The following CTCFL variants were observed in gnomAD, a reference collection of about 807,000 sequenced individuals.
The protein encoded by CTCFL is transcriptional repressor CTCFL.
CTCFL carries 36 observed loss-of-function variants against 67.4 expected under a neutral mutation model. That is an observed-to-expected ratio of 0.53 (90% CI 0.41 to 0.71). CTCFL has a LOEUF of 0.71. CTCFL is among the 30% of genes least tolerant of loss of function. CTCFL has a pLI of 0.00. For missense variants in CTCFL, 786 were observed against 835.2 expected, an observed-to-expected ratio of 0.94 and a Z score of 0.73; for synonymous variants, 324 against 302.3, an observed-to-expected ratio of 1.07 and a Z score of -0.75.
rs955564611 is a variant in CTCFL at position 57,503,193 on chromosome 20, C to T, written c.1840+243G>A. 9.9e-5 allele frequency among the ~76,000 whole-genome samples: 15 copies of T among 152,262 alleles called. 1 individual carries two copies. The highest frequency in any genetic ancestry group is 1.5e-4 in the Non-Finnish European group (10 of 68,042). The stretch of plus-strand genomic sequence containing the variant: ...TGTAGCTGCAGGCGACAGTCCAATG[C>T]GATGGAAGAGGGCTCCTCGGGGTGG... On this transcript the variant is annotated intron_variant, in intron 10 of 10. Coordinates refer to ENST00000243914, the MANE Select transcript of CTCFL (RefSeq NM_001386993.1).
At chr20:57,499,436 C>T (rs73297578) in intron 10 of CTCFL, 4,071 of 153,082 alleles carry the variant, frequency 0.027, 161 homozygotes, top group African/African-American at 0.093. Context: ...CACTGTGAGC[C>T]GACCCATATT....
chr20:57,524,388 G>T (rs2069687960), intron 1 of CTCFL, 172 bp from the exon 2 acceptor site: 1 of 1,438,772 alleles, frequency 7.0e-7, no homozygotes, highest in South Asian at 1.5e-5. Context: ...GGGTCTAGGA[G>T]GGGGTCAAGG....
chr20:57,522,661 T>C (rs1400394136), intron 3 of CTCFL, among the ~76,000 whole-genome samples: 5 of 152,112 alleles, frequency 3.3e-5, no homozygotes. Context: ...CACCTAAATA[T>C]CACCTCCCTT....
Position 57,498,298 on chromosome 20 carries a change from A to G in CTCFL, c.*252T>C. On this transcript the variant is annotated 3_prime_UTR_variant, in exon 11 of 11. Coordinates refer to ENST00000243914, the MANE Select transcript of CTCFL (RefSeq NM_001386993.1). ...AAAATACCTGCAATGTTTCTTTGAA[A>G]TATCCAGCTACAAACAGGAGAACAA... The G allele has an allele frequency of 8.7e-7, 1 of 1,149,870 alleles. No homozygotes were observed. The highest frequency in any genetic ancestry group is 1.1e-6 in the Non-Finnish European group (1 of 934,840). The allele number at this position is 1,149,870 out of a possible 1,614,324, so 71.2% of individuals were successfully genotyped here.
In CTCFL at chr20:57,514,600, C is replaced by T. The variant is rs891799815; in HGVS notation, c.1322G>A (p.Ser441Asn). Residue 441 changes from serine (S) to asparagine (N), a missense_variant, in exon 7 of 11, where the codon AGC becomes AAC. By Grantham distance (46) the Ser-to-Asn change is conservative. Around this residue, in one of 3 missense-constraint regions of CTCFL, gnomAD observed 254 missense variants for 333.9 expected, o/e 0.76. Transcript: ENST00000243914. ...ATCGCTAAACCACTCACGTAGGTCGCTTTTCCGTGCAATGATGGTGGCACA... is the reference window on the plus strand; with the variant it reads ...ATCGCTAAACCACTCACGTAGGTCGTTTTTCCGTGCAATGATGGTGGCACA... The part of the protein sequence containing the change: ...PHCATIIARK[S>N]DLRVHMRNLH... The T allele has an allele frequency of 1.2e-6, 2 of 1,614,120 alleles. No homozygotes were observed. The highest frequency in any genetic ancestry group is 2.2e-5 in the South Asian group (2 of 91,072).
chr20:57,509,567 T>C (rs1024940973), intron 8 of CTCFL, among the ~76,000 whole-genome samples: 3 of 152,136 alleles, frequency 2.0e-5, no homozygotes, highest in African/African-American at 7.2e-5. Flanking sequence ...CTGGCCTAAA[T>C]AGAGATTTTA....
intron 8 of CTCFL, among the ~76,000 whole-genome samples, chr20:57,511,960 C>T (rs2068593428): frequency 6.6e-6 from 1 of 152,250 alleles, no homozygotes; most frequent in South Asian, 2.1e-4. Flanking sequence ...ATTTGTTTAT[C>T]TTGTTCCTTT....
intron 3 of CTCFL, among the ~76,000 whole-genome samples, chr20:57,521,352 TACA>T (rs1227417490): frequency 2.0e-5 from 3 of 152,168 alleles, no homozygotes; most frequent in Non-Finnish European, 2.9e-5. Flanking sequence ...AAACCAAAAC[TACA>T]ACGAGATACC....
Position 57,497,870 on chromosome 20 carries a change from C to A in CTCFL, c.*680G>T, listed in dbSNP as rs1420386402. 1.0e-6 allele frequency: 1 copy of A among 981,130 alleles called. No homozygotes were observed. The highest frequency in any genetic ancestry group is 1.2e-6 in the Non-Finnish European group (1 of 826,098). 60.8% of individuals were successfully genotyped at this position (981,130 alleles called of 1,614,324 possible). ...AGAATACAAAAATCTAAAGGTGAAC[C>A]TTGCTCCTATACCAAAGTAAAATCG... On this transcript the variant is annotated 3_prime_UTR_variant, in exon 11 of 11. Transcript: ENST00000243914.
At chr20:57,524,837 C>T in intron 1 of CTCFL, 191 bp downstream of exon 1, 22 of 844,834 alleles carry the variant, frequency 2.6e-5, no homozygotes, top group Non-Finnish European at 3.0e-5. Flanking sequence ...CACACTCCCT[C>T]GGAGGCCTGG....
chr20:57,513,963 A>G (rs1198650938), intron 7 of CTCFL: 1 of 1,151,214 alleles, frequency 8.7e-7, no homozygotes, highest in Admixed American at 2.5e-5. Flanking sequence ...GGCAGTATCA[A>G]ATCCCAGCTC....
intron 3 of CTCFL, among the ~76,000 whole-genome samples, chr20:57,520,330 A>G (rs1255009614): frequency 2.6e-5 from 4 of 152,250 alleles, no homozygotes; most frequent in African/African-American, 9.6e-5. Flanking sequence ...GTGCAAGGGC[A>G]GCGGAAACAA....
chr20:57,511,345 A>G (rs1042485032), intron 8 of CTCFL, among the ~76,000 whole-genome samples: 2 of 151,388 alleles, frequency 1.3e-5, no homozygotes, highest in African/African-American at 4.9e-5. Flanking sequence ...TGGCCATGGT[A>G]ATTTCTTACC....
chr20:57,512,500 T>C, intron 8 of CTCFL, 92 bp downstream of exon 8: 6 of 1,293,166 alleles, frequency 4.6e-6, no homozygotes, highest in Non-Finnish European at 6.5e-6. Flanking sequence ...AAGCATGACT[T>C]TTCTCAGTAT....
intron 10 of CTCFL, among the ~76,000 whole-genome samples, chr20:57,501,148 C>T (rs991643686): frequency 6.6e-6 from 1 of 152,190 alleles, no homozygotes; most frequent in African/African-American, 2.4e-5. Context: ...ATGCTGAGGC[C>T]AGGCCTAGTG....
At chr20:57,520,096 A>G (rs12625924) in intron 3 of CTCFL, among the ~76,000 whole-genome samples, 44,047 of 152,034 alleles carry the variant, frequency 0.29, 6,975 homozygotes, top group Middle Eastern at 0.39. Context: ...TTGCCCTAAG[A>G]AGATGGCTCC....
chr20:57,522,854 A>G (rs1349209900), intron 3 of CTCFL, among the ~76,000 whole-genome samples: 1 of 152,202 alleles, frequency 6.6e-6, no homozygotes, highest in Non-Finnish European at 1.5e-5. Context: ...TTGTGGGAAC[A>G]TTTTTACTGT....
intron 7 of CTCFL, 151 bp from the exon 8 acceptor site, chr20:57,512,903 T>C (rs1446198106): frequency 5.9e-6 from 4 of 677,368 alleles, no homozygotes; most frequent in Admixed American, 6.0e-5. Context: ...CTGTGCATTG[T>C]AGGATGTTAA....
chr20:57,519,053 G>GT (rs1471275762), intron 4 of CTCFL, among the ~76,000 whole-genome samples, 154 bp downstream of exon 4: 2 of 152,190 alleles, frequency 1.3e-5, no homozygotes, highest in Non-Finnish European at 2.9e-5. Context: ...AAAAATCTTT[G>GT]TAACAGTATT....
Sources: allele counts gnomAD v4.1 joint callset (sites outside exome capture counted in the v4.1 genomes callset), GRCh38; gene constraint gnomAD v4.1.1; regional missense constraint gnomAD v4.1.1; transcripts MANE v1.5; gene names NCBI Gene and HGNC (gene_info 2026-07-23, HGNC 2026-07-21).